Variants in RNF175 observed in about 807,000 individuals in gnomAD.
RNF175 encodes ring finger protein 175.
In RNF175, 38 loss-of-function variants were observed where a neutral mutation model predicts 50.0. The ratio of observed to expected loss-of-function variants is 0.76; its 90% CI spans 0.59 to 1.00. The LOEUF (loss-of-function observed/expected upper bound fraction) is 1.00. Ranked by LOEUF, RNF175 falls within the 50% of genes least tolerant of loss-of-function variation. The pLI is 0.00. For missense variants in RNF175, 388 were observed against 409.6 expected (o/e 0.95, Z 0.46); for synonymous variants, 155 against 146.1 (o/e 1.06, Z -0.44).
chr4:153,736,568 G>A (rs1739361516), intron 3 of RNF175, among the ~76,000 whole-genome samples: 1 of 152,194 alleles, frequency 6.6e-6, no homozygotes, highest in Non-Finnish European at 1.5e-5. Context: ...TTTTCTGGGA[G>A]AGATTGTAGA....
intron 3 of RNF175, among the ~76,000 whole-genome samples, chr4:153,733,806 G>T (rs1739180009): frequency 6.9e-6 from 1 of 145,220 alleles, no homozygotes; most frequent in Non-Finnish European, 1.6e-5. Context: ...ATAATATATT[G>T]TACCCACAAA....
intron 1 of RNF175, among the ~76,000 whole-genome samples, chr4:153,752,297 C>G (rs1740334082): frequency 6.6e-6 from 1 of 152,182 alleles, no homozygotes; most frequent in South Asian, 2.1e-4. Flanking sequence ...AAGGAGGAGA[C>G]TCATGCACCT....
At chr4:153,738,593 T>G (rs749127828) in intron 3 of RNF175, among the ~76,000 whole-genome samples, 9 of 152,210 alleles carry the variant, frequency 5.9e-5, no homozygotes, top group Non-Finnish European at 1.2e-4. Flanking sequence ...ATGGAATATC[T>G]TTTTCCAAAT....
Position 153,740,641 on chromosome 4 carries a change from A to G in RNF175, c.246+8004T>C, listed in dbSNP as rs555886578. On this transcript the variant is annotated intron_variant, in intron 3 of 8. Coordinates refer to ENST00000347063, the MANE Select transcript of RNF175 (RefSeq NM_173662.4). ...CCCTCTATGGCCTCTGGTAGCCACC[A>G]TTCTACTCTACTTCTGTGAGTTTGA... Among the ~76,000 whole-genome samples, 3 of 152,050 alleles carry G rather than the reference A, an allele frequency of 2.0e-5. 1 individual carries two copies. In the South Asian group the frequency reaches 6.2e-4, roughly 32 times the overall value.
intron 7 of RNF175, 168 bp downstream of exon 7, chr4:153,715,361 A>G: frequency 1.4e-6 from 1 of 710,474 alleles, no homozygotes; most frequent in African/African-American, 1.7e-5. Flanking sequence ...GCAGTTCATT[A>G]TTCAGCAGGG....
intron 5 of RNF175, among the ~76,000 whole-genome samples, chr4:153,722,960 ATACTG>A (rs1738442354): frequency 1.3e-5 from 2 of 152,222 alleles, no homozygotes; most frequent in Non-Finnish European, 2.9e-5. Flanking sequence ...AGTGGCTACT[ATACTG>A]GACAACATAA....
chr4:153,756,031 A>G (rs1740545272), intron 1 of RNF175, among the ~76,000 whole-genome samples: 2 of 152,236 alleles, frequency 1.3e-5, no homozygotes, highest in African/African-American at 4.8e-5. Context: ...AGTGGCTCCC[A>G]AGACATTAAC....
chr4:153,757,544 A>T (rs534006089), intron 1 of RNF175, among the ~76,000 whole-genome samples: 1 of 152,266 alleles, frequency 6.6e-6, no homozygotes, highest in South Asian at 2.1e-4. Context: ...TAGGAATGTT[A>T]GGTTTAGAGG....
At chr4:153,745,229 A>C (rs1739904623) in intron 3 of RNF175, among the ~76,000 whole-genome samples, 4 of 152,224 alleles carry the variant, frequency 2.6e-5, no homozygotes. Context: ...CAACATTACC[A>C]GCACCATGAG....
intron 8 of RNF175, among the ~76,000 whole-genome samples, chr4:153,711,327 T>C (rs1206032836): frequency 6.6e-6 from 1 of 151,800 alleles, no homozygotes; most frequent in African/African-American, 2.4e-5. Flanking sequence ...TGAGTGGCAC[T>C]GACTCACCGA....
chr4:153,725,299 G>A (rs942749874), intron 4 of RNF175, among the ~76,000 whole-genome samples: 1 of 152,122 alleles, frequency 6.6e-6, no homozygotes, highest in Non-Finnish European at 1.5e-5. Context: ...TGTCAGTACT[G>A]AGCAGTTTAG....
intron 4 of RNF175, among the ~76,000 whole-genome samples, chr4:153,726,788 G>T (rs1312984304): frequency 6.6e-6 from 1 of 152,212 alleles, no homozygotes; most frequent in Non-Finnish European, 1.5e-5. Context: ...CTTGCTCAGT[G>T]ATGTCTCTTC....
chr4:153,710,788 T>C (rs1361273608), intron 8 of RNF175, among the ~76,000 whole-genome samples: 1 of 152,204 alleles, frequency 6.6e-6, no homozygotes, highest in Admixed American at 6.5e-5. Context: ...GGAATGACTA[T>C]ATTGGAAAAC....
intron 6 of RNF175, among the ~76,000 whole-genome samples, chr4:153,715,915 T>C (rs1737888441): frequency 6.6e-6 from 1 of 151,560 alleles, no homozygotes; most frequent in South Asian, 2.1e-4. Context: ...TACAAAAAAA[T>C]TAGCCAGGTG....
intron 1 of RNF175, among the ~76,000 whole-genome samples, chr4:153,753,969 G>T (rs1288312426): frequency 6.6e-6 from 1 of 150,950 alleles, no homozygotes; most frequent in Admixed American, 6.6e-5. Context: ...AGGAGATAGA[G>T]ACCATCCTGG....
intron 3 of RNF175, among the ~76,000 whole-genome samples, chr4:153,740,965 G>T (rs1312541167): frequency 6.6e-6 from 1 of 152,182 alleles, no homozygotes; most frequent in Admixed American, 6.5e-5. Context: ...CTCTGCTGTT[G>T]TCTTTGGGTT....
In RNF175 at chr4:153,759,834, G is replaced by A; in HGVS notation, c.29C>T (p.Ala10Val). 1 of 1,464,258 alleles carries A rather than the reference G, an allele frequency of 6.8e-7. No individual in the cohort carries two copies. The allele number at this position is 1,464,258 out of a possible 1,614,324, so 90.7% of individuals were successfully genotyped here. ...CGGGGGGGCCTCCAGCACCGGCGCT[G>A]CCTTCCGCGCCGCCGTCCCCGCGGC... MAAGTAARK[A>V]APVLEAPPQQ... The change falls in exon 1 of 9, where the codon GCA (alanine) becomes GTA (valine). Residue 10 changes from alanine to valine, a missense_variant. Coordinates refer to ENST00000347063, the MANE Select transcript of RNF175 (RefSeq NM_173662.4).
rs776240807 is a variant in RNF175 at position 153,720,187 on chromosome 4, T to C, written c.627A>G (p.Ile209Met). The change falls in exon 6 of 9, where the codon ATA becomes ATG. Residue 209 changes from isoleucine (I) to methionine (M), a missense_variant. Transcript: ENST00000347063. ...EICSDYMAST[I>M]GFYSVSRLPT... The stretch of plus-strand genomic sequence containing the variant: ...AGAAAATGAAAGCAACACTTACCCC[T>C]ATAGTGGAAGCCATGTAGTCTGAGC... 1.2e-5 allele frequency: 19 copies of C among 1,613,612 alleles called. No homozygotes were observed. In the African/African-American group the frequency reaches 2.3e-4, roughly 19 times the overall value.
chr4:153,756,499 A>C (rs1157590902), intron 1 of RNF175, among the ~76,000 whole-genome samples: 1 of 152,086 alleles, frequency 6.6e-6, no homozygotes, highest in Admixed American at 6.5e-5. Context: ...CCTTGCCCCT[A>C]ACCAACCCTG....
Sources: gnomAD v4.1 joint callset for allele counts (sites outside exome capture counted in the v4.1 genomes callset) on GRCh38, gnomAD v4.1.1 for gene constraint, MANE v1.5 for transcripts, NCBI Gene and HGNC (gene_info 2026-07-23, HGNC 2026-07-21) for gene names.